The following THRB variants were observed in gnomAD, a reference collection of about 807,000 sequenced individuals.
The protein encoded by THRB is thyroid hormone receptor beta.
THRB carries 12 observed loss-of-function variants against 47.8 expected under a neutral mutation model. That is an observed-to-expected ratio of 0.25 (90% CI 0.16 to 0.41). The LOEUF (loss-of-function observed/expected upper bound fraction) is 0.41, where lower values mean the gene tolerates loss of function less well. THRB is among the 10% of genes least tolerant of loss of function. The pLI is 1.00. For missense variants in THRB, 348 were observed against 589.2 expected, an observed-to-expected ratio of 0.59 and a Z score of 4.24; for synonymous variants, 218 against 212.2, an observed-to-expected ratio of 1.03 and a Z score of -0.24.
At chr3:24,177,856 G>A (rs959823998) in intron 5 of THRB, among the ~76,000 whole-genome samples, 2 of 152,200 alleles carry the variant, frequency 1.3e-5, no homozygotes, top group East Asian at 1.9e-4. Context: ...TAGTTGTTTT[G>A]TAATGTAATA....
intron 3 of THRB, among the ~76,000 whole-genome samples, chr3:24,263,090 T>C (rs1387993489): frequency 3.9e-5 from 6 of 152,186 alleles, no homozygotes; most frequent in African/African-American, 1.4e-4. Context: ...TTAAACATAA[T>C]AGAAGGGGAC....
chr3:24,475,877 G>A (rs1695381709), intron 1 of THRB, among the ~76,000 whole-genome samples: 1 of 152,206 alleles, frequency 6.6e-6, no homozygotes, highest in Non-Finnish European at 1.5e-5. Flanking sequence ...AAAAGCATAT[G>A]TAAAATCATG....
intron 3 of THRB, among the ~76,000 whole-genome samples, chr3:24,294,951 C>T (rs1218478797): frequency 6.6e-6 from 1 of 152,204 alleles, no homozygotes; most frequent in African/African-American, 2.4e-5. Context: ...ATAGAGATGT[C>T]TTCACTGAAA....
At chr3:24,124,785 G>A (rs904373099) in intron 10 of THRB, among the ~76,000 whole-genome samples, 3 of 152,196 alleles carry the variant, frequency 2.0e-5, no homozygotes, top group Admixed American at 6.5e-5. Flanking sequence ...CACAAAACAT[G>A]GGGCTTAGAA....
upstream of THRB, chr3:24,495,354 CG>C (rs1361977505): frequency 2.6e-5 from 4 of 153,374 alleles, no homozygotes; most frequent in African/African-American, 9.6e-5. Context: ...CCGGTACAGA[CG>C]CCCCCTGCCA....
intron 1 of THRB, among the ~76,000 whole-genome samples, chr3:24,387,434 A>G (rs890739162): frequency 6.6e-6 from 1 of 152,188 alleles, no homozygotes; most frequent in Non-Finnish European, 1.5e-5. Flanking sequence ...TGTTGTTCAC[A>G]AAGAGTATTA....
chr3:24,122,515 C>T lies in THRB; in HGVS notation c.*369G>A, dbSNP rs537659478. 3.0e-5 allele frequency: 10 copies of T among 334,730 alleles called. No individual in the cohort carries two copies. In the East Asian group the frequency reaches 4.4e-4, roughly 15 times the overall value. 20.7% of individuals were successfully genotyped at this position (334,730 alleles called of 1,614,324 possible). ...AACATCAGGATTGGGTGGAGGTGGTCGTATTATCTTGGTTTTAAGGCTTCT... is the reference window on the plus strand; with the variant it reads ...AACATCAGGATTGGGTGGAGGTGGTTGTATTATCTTGGTTTTAAGGCTTCT... On this transcript the variant is annotated 3_prime_UTR_variant, in exon 11 of 11. Transcript: ENST00000646209.
At chr3:24,457,873 C>T (rs4296545) in intron 1 of THRB, 41,094 of 151,886 alleles carry the variant, frequency 0.27, 5,942 homozygotes, top group East Asian at 0.35. Flanking sequence ...TAGAGTTAGG[C>T]GCATTTGAAG....
chr3:24,283,332 C>G (rs980679504), intron 3 of THRB, among the ~76,000 whole-genome samples: 2 of 152,102 alleles, frequency 1.3e-5, no homozygotes, highest in Non-Finnish European at 2.9e-5. Context: ...AAGACAAAAA[C>G]CACGTGATTA....
intron 1 of THRB, among the ~76,000 whole-genome samples, chr3:24,357,477 C>T (rs1292618339): frequency 6.7e-6 from 1 of 149,984 alleles, no homozygotes; most frequent in African/African-American, 2.5e-5. Flanking sequence ...AAGAGCATAT[C>T]ATGAAAAATG....
intron 1 of THRB, among the ~76,000 whole-genome samples, chr3:24,488,351 C>A (rs1213957148): frequency 6.6e-6 from 1 of 152,176 alleles, no homozygotes; most frequent in African/African-American, 2.4e-5. Context: ...CTGCAGTCCA[C>A]TCTTAGAACA....
At position 24,146,642 on chromosome 3, in the gene THRB, C is replaced by A. The variant is rs754706252; in HGVS notation, c.532+33G>T. On this transcript the variant is annotated intron_variant, in intron 7 of 10. Transcript: ENST00000646209. ...ACCAAACTGTTTCCTAATCAACATTCCTTGAATATGAAGCAAGTGAAGATC... is the reference window on the plus strand; with the variant it reads ...ACCAAACTGTTTCCTAATCAACATTACTTGAATATGAAGCAAGTGAAGATC... 4 of 1,612,136 alleles carry A rather than the reference C, an allele frequency of 2.5e-6. No homozygotes were observed. The South Asian group carries it at 4.4e-5, about 18-fold the overall frequency.
chr3:24,181,023 G>C (rs2041830623), intron 5 of THRB, among the ~76,000 whole-genome samples: 2 of 152,190 alleles, frequency 1.3e-5, no homozygotes, highest in African/African-American at 4.8e-5. Flanking sequence ...AAGAAGCCTA[G>C]ACTTCGTAGA....
At chr3:24,197,029 C>T (rs2044033415) in intron 4 of THRB, among the ~76,000 whole-genome samples, 1 of 152,208 alleles carries the variant, frequency 6.6e-6, no homozygotes, top group Non-Finnish European at 1.5e-5. Context: ...CATTTACATA[C>T]ATGTATATAA....
chr3:24,223,655 C>T (rs1165293359), intron 4 of THRB, among the ~76,000 whole-genome samples: 1 of 151,984 alleles, frequency 6.6e-6, no homozygotes, highest in Non-Finnish European at 1.5e-5. Flanking sequence ...AATTTTACAA[C>T]TTTCCTGTAA....
At chr3:24,228,885 T>G in intron 4 of THRB, 53 bp downstream of exon 4, 2 of 1,526,182 alleles carry the variant, frequency 1.3e-6, no homozygotes, top group East Asian at 4.5e-5. Flanking sequence ...AATTTCACTC[T>G]AGGTGGAACA....
At chr3:24,383,218 GACAAACAA>G (rs57022667) in intron 1 of THRB, among the ~76,000 whole-genome samples, 6 of 151,848 alleles carry the variant, frequency 4.0e-5, no homozygotes, top group East Asian at 1.9e-4. Context: ...CGGCTCAGAA[GACAAACAA>G]ACAAACAAAC....
At chr3:24,385,965 A>C (rs2066068994) in intron 1 of THRB, among the ~76,000 whole-genome samples, 1 of 152,178 alleles carries the variant, frequency 6.6e-6, no homozygotes, top group Non-Finnish European at 1.5e-5. Flanking sequence ...AGGATGTACA[A>C]TATGACTTTC....
At chr3:24,439,170 AGATGAGGTAGATGTCATTGTCTG>A (rs2071279617) in intron 1 of THRB, among the ~76,000 whole-genome samples, 1 of 152,098 alleles carries the variant, frequency 6.6e-6, no homozygotes, top group African/African-American at 2.4e-5. Flanking sequence ...CGCATGAGGT[AGATGAGGTAGATGTCATTGTCTG>A]GATGAGGTAG....
Sources: allele counts gnomAD v4.1 joint callset (sites outside exome capture counted in the v4.1 genomes callset), GRCh38; gene constraint gnomAD v4.1.1; transcripts MANE v1.5; gene names NCBI Gene and HGNC (gene_info 2026-07-23, HGNC 2026-07-21).